The following HSPG2 variants were observed in gnomAD, a reference collection of about 807,000 sequenced individuals.
HSPG2 encodes the protein basement membrane-specific heparan sulfate proteoglycan core protein.
A neutral mutation model predicts 526.6 loss-of-function variants in HSPG2; 278 were observed. That is an observed-to-expected ratio of 0.53 (90% CI 0.48 to 0.58). The LOEUF (loss-of-function observed/expected upper bound fraction) is 0.58, where lower values mean the gene tolerates loss of function less well. HSPG2 is among the 20% of genes least tolerant of loss of function. HSPG2 has a pLI of 0.00. For missense variants in HSPG2, 5,354 were observed against 6,099.5 expected (o/e 0.88, Z 4.07); for synonymous variants, 2,465 against 2,555.4 (o/e 0.96, Z 1.07).
intron 1 of HSPG2, among the ~76,000 whole-genome samples, chr1:21,900,843 C>T (rs1204778042): frequency 6.6e-6 from 1 of 152,010 alleles, no homozygotes; most frequent in Admixed American, 6.6e-5. Context: ...CGAGATTGCA[C>T]CACTGTACTC....
At chr1:21,841,924 C>T (rs2098050122) in intron 69 of HSPG2, 78 bp downstream of exon 69, 2 of 1,584,346 alleles carry the variant, frequency 1.3e-6, no homozygotes, top group Admixed American at 3.3e-5. Context: ...AGACTTCTGC[C>T]CCACCCTTGC....
At chr1:21,857,443 C>A (rs1432853111) in intron 42 of HSPG2, 58 bp from the exon 43 acceptor site, 2 of 1,479,760 alleles carry the variant, frequency 1.4e-6, no homozygotes, top group East Asian at 4.5e-5. Flanking sequence ...GGTCCTGTGG[C>A]CACTTTGTCT....
At chr1:21,850,703 C>G (rs1308249026) in intron 55 of HSPG2, among the ~76,000 whole-genome samples, 1 of 152,208 alleles carries the variant, frequency 6.6e-6, no homozygotes, top group African/African-American at 2.4e-5. Context: ...ACACTCACAC[C>G]ACATCCCATC....
chr1:21,867,255 C>T (rs577490508), intron 33 of HSPG2, among the ~76,000 whole-genome samples: 1 of 151,516 alleles, frequency 6.6e-6, no homozygotes, highest in African/African-American at 2.4e-5. Flanking sequence ...CATGCCCGGC[C>T]GATTTATTTT....
chr1:21,930,203 C>G (rs1447979735), intron 1 of HSPG2, among the ~76,000 whole-genome samples: 5 of 152,162 alleles, frequency 3.3e-5, no homozygotes, highest in African/African-American at 1.2e-4. Flanking sequence ...GTGCCCTCTG[C>G]CTGGAATGCC....
At chr1:21,879,276 T>C (rs1641326697) in intron 17 of HSPG2, among the ~76,000 whole-genome samples, 155 bp from the exon 18 acceptor site, 1 of 152,186 alleles carries the variant, frequency 6.6e-6, no homozygotes, top group East Asian at 1.9e-4. Flanking sequence ...TTATAGATGA[T>C]GGGGAGCTCA....
chr1:21,855,069 G>A (rs1639228803), intron 47 of HSPG2, 86 bp from the exon 48 acceptor site: 2 of 1,533,682 alleles, frequency 1.3e-6, no homozygotes, highest in South Asian at 2.2e-5. Context: ...AAAGGGAGAG[G>A]CAGGTGCAGG....
intron 17 of HSPG2, among the ~76,000 whole-genome samples, chr1:21,879,807 C>G (rs970506803): frequency 2.6e-5 from 4 of 152,218 alleles, no homozygotes; most frequent in African/African-American, 9.6e-5. Context: ...CGTACGCCAC[C>G]ACGCCTGGCT....
At position 21,843,432 on chromosome 1, in the gene HSPG2, C is replaced by T. The variant is rs771328947; in HGVS notation, c.8623G>A (p.Gly2875Ser). 14 of 1,611,864 alleles carry T rather than the reference C, an allele frequency of 8.7e-6. No homozygotes were observed. Among genetic ancestry groups the T allele is most frequent in the Admixed American group, 3.3e-5 (2 of 59,816 alleles). ...ACCTGGTTCAGCCTCAGCAGTGGGC[C>T]GTGGACCTGGCCAAGGTGGGGTGAG... ...GNLPARHQVH[G>S]PLLRLNQVSP... Residue 2875 changes from glycine (G) to serine (S), a missense_variant, in exon 66 of 97, where the codon GGC becomes AGC. Physicochemically the swap from Gly to Ser is moderately conservative, Grantham distance 56. Transcript: ENST00000374695.
Position 21,822,345 on chromosome 1 carries a change from G to A in HSPG2, c.*971C>T. ...AGGCGTCCCAACCCCACAGTCTGGG[G>A]GCCACTGGCAGGATGGCACTTGAGC... On this transcript the variant is annotated 3_prime_UTR_variant, in exon 97 of 97. Transcript: ENST00000374695. The A allele has an allele frequency of 1.1e-6, 1 of 905,576 alleles. No individual in the cohort carries two copies. Among genetic ancestry groups the A allele is most frequent in the Non-Finnish European group, 1.8e-6 (1 of 565,126 alleles). The allele number at this position is 905,576 out of a possible 1,614,324, so 56.1% of individuals were successfully genotyped here. A position where few individuals can be genotyped will look rare whatever the true frequency, so the allele number is the denominator to read the frequency against.
In HSPG2 at chr1:21,861,498, AAG is replaced by A. The variant is rs66469250; in HGVS notation, c.4955+257_4955+258del. Among the ~76,000 whole-genome samples the A allele has an allele frequency of 0.93, 137,292 of 148,128 alleles. 64,097 individuals carry two copies. Among genetic ancestry groups the A allele is most frequent in the South Asian group, 0.99 (4,646 of 4,702 alleles). ...CCCTGTCTCAGTTTAAAAAAAAAAA[AAG>A]AAAGAAAAAGCATTTAAAAAGTTAA... On this transcript the variant is annotated intron_variant, in intron 39 of 96. Transcript: ENST00000374695.
At chr1:21,915,219 A>G (rs999189168) in intron 1 of HSPG2, among the ~76,000 whole-genome samples, 1 of 152,122 alleles carries the variant, frequency 6.6e-6, no homozygotes, top group African/African-American at 2.4e-5. Flanking sequence ...ACAACAAACC[A>G]TCATCTCTAC....
intron 1 of HSPG2, among the ~76,000 whole-genome samples, chr1:21,927,494 G>T (rs893479602): frequency 6.7e-6 from 1 of 149,280 alleles, no homozygotes; most frequent in Non-Finnish European, 1.5e-5. Flanking sequence ...TGTAGGCCAG[G>T]GGGGGACAGG....
chr1:21,869,704 G>C, intron 33 of HSPG2: 2 of 986,168 alleles, frequency 2.0e-6, no homozygotes, highest in Non-Finnish European at 2.4e-6. Context: ...AGGGAGCAGA[G>C]AGGGACAGAA....
At chr1:21,873,448 T>A in intron 29 of HSPG2, 24 bp from the exon 30 acceptor site, 1 of 1,613,440 alleles carries the variant, frequency 6.2e-7, no homozygotes, top group Non-Finnish European at 8.5e-7. Flanking sequence ...AAGCCTCTGA[T>A]GAATTTTGGA....
rs2097987538 is a variant in HSPG2 at position 21,828,597 on chromosome 1, TGTGCTAGAAACATTCATCCGTCA to T, written c.12238-194_12238-172del. Among the ~76,000 whole-genome samples, 1 of 152,016 alleles carries T rather than the reference TGTGCTAGAAACATTCATCCGTCA, an allele frequency of 6.6e-6. No homozygotes were observed. On this transcript the variant is annotated intron_variant, in intron 88 of 96. Transcript: ENST00000374695. The surrounding 1 kb of genome is among the most constrained non-coding windows in gnomAD (Gnocchi z 6.0). Reference sequence around the variant, plus strand: ...AGGCGCAGGAGTTGAGTGCCTACTGTGTGCTAGAAACATTCATCCGTCAGTGCAGACAATCCTCTGCCCAACCT... The same window carrying T: ...AGGCGCAGGAGTTGAGTGCCTACTGTGTGCAGACAATCCTCTGCCCAACCT...
rs368828708 is a variant in HSPG2, at chr1:21,851,541, C to T, written c.7158+5G>A. 2.5e-6 allele frequency: 4 copies of T among 1,613,706 alleles called. No homozygotes were observed. Among genetic ancestry groups the T allele is most frequent in the Non-Finnish European group, 3.4e-6 (4 of 1,180,056 alleles). ...TCTTGGCCTGTCTGTCCTCCAGTCC[C>T]ATACCTGGTGCCGGACAGGGAGGCT... On this transcript the variant is annotated splice_donor_5th_base_variant and intron_variant, in intron 55 of 96. Coordinates refer to ENST00000374695, the MANE Select transcript of HSPG2 (RefSeq NM_005529.7).
In HSPG2 at chr1:21,823,198, A is replaced by T. The variant is rs1164496964; in HGVS notation, c.*118T>A. ...CTCCAGTCCAGCCCAGGGCGGTAGCAGCAAAGCGTGGCATCGCCTCGGTTT... is the reference window on the plus strand; with the variant it reads ...CTCCAGTCCAGCCCAGGGCGGTAGCTGCAAAGCGTGGCATCGCCTCGGTTT... On this transcript the variant is annotated 3_prime_UTR_variant, in exon 97 of 97. Coordinates refer to ENST00000374695, the MANE Select transcript of HSPG2 (RefSeq NM_005529.7). 9.8e-7 allele frequency: 1 copy of T among 1,018,544 alleles called. No homozygotes were observed. The highest frequency in any genetic ancestry group is 1.4e-6 in the Non-Finnish European group (1 of 740,258). The allele number at this position is 1,018,544 out of a possible 1,614,324, so 63.1% of individuals were successfully genotyped here.
At chr1:21,852,645 AC>A in intron 52 of HSPG2, 54 bp downstream of exon 52, 1 of 1,609,818 alleles carries the variant, frequency 6.2e-7, no homozygotes, top group South Asian at 1.1e-5. Flanking sequence ...GGATCTCACC[AC>A]CCCGGAGGCC....
Sources: allele counts gnomAD v4.1 joint callset (sites outside exome capture counted in the v4.1 genomes callset), GRCh38; gene constraint gnomAD v4.1.1; non-coding constraint Gnocchi (gnomAD v3.1); transcripts MANE v1.5; gene names NCBI Gene and HGNC (gene_info 2026-07-23, HGNC 2026-07-21).